Variants in KLF15 observed in about 807,000 individuals in gnomAD.
KLF15 encodes KLF transcription factor 15, also known as Krueppel-like factor 15.
KLF15 carries 4 observed loss-of-function variants against 24.6 expected under a neutral mutation model. The observed-to-expected ratio is 0.16, with a 90% confidence interval of 0.08 to 0.37. The LOEUF is 0.37. Ranked by LOEUF, KLF15 falls within the 10% of genes least tolerant of loss-of-function variation. The pLI is 1.00. For synonymous variants in KLF15, 246 were observed against 236.3 expected (o/e 1.04, Z -0.37); for missense variants, 496 against 560.6 (o/e 0.88, Z 1.16).
chr3:126,334,388 C>T, the KLF15 span, among the ~76,000 whole-genome samples: 5 of 132,384 alleles, frequency 3.8e-5, no homozygotes, highest in Non-Finnish European at 8.0e-5. Context: ...AACAAAGACA[C>T]AACATACCAG....
the KLF15 span, among the ~76,000 whole-genome samples, chr3:126,295,302 C>G: frequency 6.6e-6 from 1 of 152,204 alleles, no homozygotes; most frequent in South Asian, 2.1e-4. Flanking sequence ...AGAGCAGATA[C>G]AGTTACTATC....
chr3:126,316,709 G>T, the KLF15 span, among the ~76,000 whole-genome samples: 1 of 151,180 alleles, frequency 6.6e-6, no homozygotes, highest in Non-Finnish European at 1.5e-5. Context: ...GAGTGGGGAA[G>T]GGAATGCACG....
chr3:126,338,095 C>T (rs1356771311), downstream of KLF15, among the ~76,000 whole-genome samples: 1 of 152,202 alleles, frequency 6.6e-6, no homozygotes, highest in Non-Finnish European at 1.5e-5. Context: ...ACCCACTGCA[C>T]CTTGGTAGCT....
At chr3:126,322,252 A>T in the KLF15 span, among the ~76,000 whole-genome samples, 1 of 151,960 alleles carries the variant, frequency 6.6e-6, no homozygotes, top group South Asian at 2.1e-4. Context: ...ACACTTGGTT[A>T]TTTTCTTACA....
the KLF15 span, among the ~76,000 whole-genome samples, chr3:126,337,539 C>T: frequency 6.9e-6 from 1 of 145,096 alleles, no homozygotes; most frequent in African/African-American, 2.6e-5. Flanking sequence ...AACTAACCTG[C>T]ACAATGTGCA....
chr3:126,328,681 A>G, the KLF15 span, among the ~76,000 whole-genome samples: 6 of 152,322 alleles, frequency 3.9e-5, no homozygotes, highest in East Asian at 1.2e-3. Flanking sequence ...AAATTGTACT[A>G]CAATCAACAG....
In KLF15 at chr3:126,352,770, G is replaced by A; in HGVS notation, c.153C>T (p.Ser51=). The A allele has an allele frequency of 2.5e-6, 4 of 1,576,538 alleles. No individual in the cohort carries two copies. Among genetic ancestry groups the A allele is most frequent in the Non-Finnish European group, 3.4e-6 (4 of 1,160,828 alleles). ...EDDSDASSPC[S]CSSPDSQALC... Reference sequence around the variant, plus strand: ...GGGCTTGAGAGTCGGGACTGGAACAGGAGCAGGGGCTGGAGGCATCGCTGT... The same window carrying A: ...GGGCTTGAGAGTCGGGACTGGAACAAGAGCAGGGGCTGGAGGCATCGCTGT... The change falls in exon 2 of 3, where the codon TCC becomes TCT. Residue 51 remains serine, a synonymous_variant. Coordinates refer to ENST00000296233, the MANE Select transcript of KLF15 (RefSeq NM_014079.4).
the KLF15 span, among the ~76,000 whole-genome samples, chr3:126,300,005 C>T: frequency 2.6e-3 from 394 of 152,200 alleles, 2 homozygotes; most frequent in African/African-American, 9.2e-3. Context: ...GTGTACGTGC[C>T]CCCACGTGTG....
At chr3:126,288,597 C>A in the KLF15 span, among the ~76,000 whole-genome samples, 1 of 152,366 alleles carries the variant, frequency 6.6e-6, no homozygotes, top group South Asian at 2.1e-4. Flanking sequence ...ACAGCGTCCT[C>A]TGCGCCTGCT....
In KLF15 at chr3:126,343,432, G is replaced by T. The variant is rs1032062301; in HGVS notation, c.*295C>A. On this transcript the variant is annotated 3_prime_UTR_variant, in exon 3 of 3. Transcript: ENST00000296233. ...GTCCCCAAAACTCTGCCTGCAACCAGCGGCTGCAGCAGAGGCCTGGCCACC... is the reference window on the plus strand; with the variant it reads ...GTCCCCAAAACTCTGCCTGCAACCATCGGCTGCAGCAGAGGCCTGGCCACC... The T allele has an allele frequency of 2.8e-6, 1 of 363,450 alleles. No homozygotes were observed. The allele number at this position is 363,450 out of a possible 1,614,324, so 22.5% of individuals were successfully genotyped here. A position where few individuals can be genotyped will look rare whatever the true frequency, so the allele number is the denominator to read the frequency against.
chr3:126,306,136 T>A, the KLF15 span, among the ~76,000 whole-genome samples: 1 of 152,132 alleles, frequency 6.6e-6, no homozygotes, highest in East Asian at 1.9e-4. Context: ...ATCTCATGCA[T>A]CGTACTGAGG....
At chr3:126,306,753 G>T in the KLF15 span, among the ~76,000 whole-genome samples, 3 of 152,250 alleles carry the variant, frequency 2.0e-5, no homozygotes, top group Non-Finnish European at 4.4e-5. Flanking sequence ...TGTCTGCACT[G>T]CAGAATGACA....
chr3:126,290,878 T>G, the KLF15 span: 1 of 152,288 alleles, frequency 6.6e-6, no homozygotes, highest in African/African-American at 2.4e-5. Context: ...ATAAGCCTTG[T>G]CAAAAGGTCT....
the KLF15 span, among the ~76,000 whole-genome samples, chr3:126,301,343 C>T: frequency 6.6e-6 from 1 of 152,176 alleles, no homozygotes; most frequent in African/African-American, 2.4e-5. Context: ...TGTAGAGGCT[C>T]TCCAGATTGG....
chr3:126,303,526 A>G, the KLF15 span, among the ~76,000 whole-genome samples: 1 of 151,898 alleles, frequency 6.6e-6, no homozygotes, highest in African/African-American at 2.4e-5. Context: ...GTCCCTCTGT[A>G]TGTAATATGC....
chr3:126,312,833 G>A, the KLF15 span, among the ~76,000 whole-genome samples: 2 of 152,166 alleles, frequency 1.3e-5, no homozygotes, highest in African/African-American at 4.8e-5. Flanking sequence ...AGGTCTGTCT[G>A]TCCTGGGCCC....
At chr3:126,348,754 C>G (rs1297693229) in intron 2 of KLF15, among the ~76,000 whole-genome samples, 2 of 152,208 alleles carry the variant, frequency 1.3e-5, no homozygotes, top group African/African-American at 4.8e-5. Flanking sequence ...GCCAGCGTGG[C>G]TGGATCCCAC....
intron 2 of KLF15, among the ~76,000 whole-genome samples, chr3:126,348,602 C>T (rs1034034100): frequency 2.2e-4 from 33 of 152,242 alleles, no homozygotes; most frequent in East Asian, 5.8e-4. Flanking sequence ...GGTGCCTACA[C>T]TTTACCAGGC....
intron 2 of KLF15, among the ~76,000 whole-genome samples, chr3:126,347,781 G>T (rs1172139181): frequency 2.6e-5 from 4 of 152,178 alleles, no homozygotes; most frequent in Non-Finnish European, 4.4e-5. Context: ...GTACTCTTAG[G>T]ACCAAAAGCA....
Sources: gnomAD v4.1 joint callset for allele counts (sites outside exome capture counted in the v4.1 genomes callset) on GRCh38, gnomAD v4.1.1 for gene constraint, MANE v1.5 for transcripts, NCBI Gene and HGNC (gene_info 2026-07-23, HGNC 2026-07-21) for gene names.